NEBL: variants seen among roughly 807,000 people sequenced by gnomAD.
NEBL encodes the protein nebulette, also known as LIM and SH3 protein 2.
NEBL carries 122 observed loss-of-function variants against 140.2 expected under a neutral mutation model. That is an observed-to-expected ratio of 0.87 (90% CI 0.75 to 1.01). NEBL has a LOEUF of 1.01. Among genes scored for constraint, NEBL ranks in the 50% least tolerant of loss-of-function variants. The pLI is 0.00. For missense variants in NEBL, 1,365 were observed against 1,231.3 expected (o/e 1.11, Z -1.62); for synonymous variants, 436 against 398.9 (o/e 1.09, Z -1.11).
rs756192561 is a variant in NEBL, at chr10:20,808,603, C to T, written c.2668G>A (p.Gly890Ser). The change falls in exon 26 of 28, where the codon GGT (glycine) becomes AGT (serine). Residue 890 changes from glycine (G) to serine (S), a missense_variant. This residue lies in a region of NEBL where 1,323 missense variants were observed against 1,154.8 expected (regional missense o/e 1.15). Coordinates refer to ENST00000377122, the MANE Select transcript of NEBL (RefSeq NM_006393.3). ...WSRSHSSSTF[G>S]TGLGDDRSEI... ...GACCTGTCGTCTCCGAGACCTGTACCGAAAGTACTGCTGGAATGGGATCGA... is the reference window on the plus strand; with the variant it reads ...GACCTGTCGTCTCCGAGACCTGTACTGAAAGTACTGCTGGAATGGGATCGA... The T allele has an allele frequency of 1.3e-5, 21 of 1,613,212 alleles. No individual in the cohort carries two copies. The highest frequency in any genetic ancestry group is 8.0e-5 in the African/African-American group (6 of 74,832).
At chr10:20,839,825 T>G (rs1841243348) in intron 13 of NEBL, among the ~76,000 whole-genome samples, 1 of 152,102 alleles carries the variant, frequency 6.6e-6, no homozygotes, top group Non-Finnish European at 1.5e-5. Flanking sequence ...TAAAAAGGGA[T>G]GTTCACTTCC....
chr10:21,111,823 T>A, intron 2 of NEBL, among the ~76,000 whole-genome samples: 1 of 150,628 alleles, frequency 6.6e-6, no homozygotes, highest in African/African-American at 2.5e-5. Context: ...TGGGAGAAAA[T>A]CTTTGCAATC....
chr10:21,011,841 C>T (rs1314018273), intron 3 of NEBL, among the ~76,000 whole-genome samples: 2 of 152,204 alleles, frequency 1.3e-5, no homozygotes, highest in Non-Finnish European at 2.9e-5. Flanking sequence ...CCACACTGTT[C>T]CTGCAATGGC....
intron 2 of NEBL, among the ~76,000 whole-genome samples, chr10:21,171,011 A>C (rs557188158): frequency 4.6e-5 from 7 of 152,284 alleles, no homozygotes; most frequent in African/African-American, 1.7e-4. Context: ...CCTCCAGACT[A>C]TGCCAACCAC....
chr10:21,227,686 C>G, intron 3 of NEBL, among the ~76,000 whole-genome samples: 1 of 87,738 alleles, frequency 1.1e-5, no homozygotes. Flanking sequence ...TCTTCTTCTT[C>G]TTCTTCTTCT....
intron 3 of NEBL, among the ~76,000 whole-genome samples, chr10:21,242,878 A>G (rs975530924): frequency 6.6e-6 from 1 of 152,188 alleles, no homozygotes; most frequent in Admixed American, 6.5e-5. Context: ...AATGTCAACA[A>G]GCAATGTTTG....
chr10:21,133,300 T>A (rs1160790465), intron 2 of NEBL, among the ~76,000 whole-genome samples: 1 of 152,186 alleles, frequency 6.6e-6, no homozygotes, highest in Non-Finnish European at 1.5e-5. Context: ...CCTAATGAAA[T>A]TACTAGTTAA....
chr10:20,813,193 A>G (rs1838349295), intron 23 of NEBL, among the ~76,000 whole-genome samples: 1 of 150,774 alleles, frequency 6.6e-6, no homozygotes, highest in Admixed American at 6.6e-5. Flanking sequence ...AACTATATAT[A>G]TATTATTAAT....
intron 2 of NEBL, among the ~76,000 whole-genome samples, chr10:21,054,332 G>A (rs1289919773): frequency 3.3e-5 from 5 of 152,138 alleles, no homozygotes; most frequent in Admixed American, 6.5e-5. Flanking sequence ...GGCCAAATCT[G>A]TTTAATGGTT....
chr10:21,015,244 T>G (rs1185286528), intron 3 of NEBL, among the ~76,000 whole-genome samples: 6 of 151,484 alleles, frequency 4.0e-5, no homozygotes, highest in East Asian at 2.0e-4. Flanking sequence ...GTCGGGGGGG[T>G]TTGGAGATGC....
intron 16 of NEBL, among the ~76,000 whole-genome samples, chr10:20,829,116 G>T (rs540762313): frequency 6.6e-6 from 1 of 152,114 alleles, no homozygotes; most frequent in South Asian, 2.1e-4. Flanking sequence ...TACAGATGGA[G>T]AAACTGAAGT....
chr10:20,803,251 A>C (rs1837289570), intron 26 of NEBL, among the ~76,000 whole-genome samples: 1 of 152,216 alleles, frequency 6.6e-6, no homozygotes, highest in African/African-American at 2.4e-5. Flanking sequence ...AATAGCTAGA[A>C]GGATGTTTAA....
intron 13 of NEBL, among the ~76,000 whole-genome samples, chr10:20,839,893 T>C (rs940898099): frequency 2.0e-4 from 31 of 152,264 alleles, no homozygotes; most frequent in Admixed American, 9.1e-4. Flanking sequence ...GTTCATTGCA[T>C]GGAGACAGCC....
At chr10:20,901,585 A>G (rs1588981356), upstream of NEBL, among the ~76,000 whole-genome samples, 1 of 147,006 alleles carries the variant, frequency 6.8e-6, no homozygotes, top group South Asian at 2.1e-4. Flanking sequence ...AGTGGGGGGA[A>G]AAAAGTACAG....
At chr10:20,965,123 G>C (rs144485769) in intron 3 of NEBL, among the ~76,000 whole-genome samples, 26 of 152,310 alleles carry the variant, frequency 1.7e-4, no homozygotes, top group African/African-American at 5.8e-4. Context: ...TGCTCATTCA[G>C]CAAATCTTTA....
At chr10:20,903,005 T>A (rs1827409198) in intron 4 of NEBL, among the ~76,000 whole-genome samples, 2 of 152,206 alleles carry the variant, frequency 1.3e-5, no homozygotes, top group South Asian at 4.1e-4. Context: ...CCATAAACTG[T>A]TGAAAACTGA....
At position 21,173,726 on chromosome 10, in the gene NEBL, C is replaced by A; in HGVS notation, c.69+39G>T. On this transcript the variant is annotated intron_variant, in intron 1 of 6. Transcript: ENST00000417816. This position sits in a 1 kb window ranked among gnomAD's most constrained non-coding sequence, Gnocchi z 5.7. Reference sequence around the variant, plus strand: ...TTCTCGAAGCAGGTGCAGCCCCTCGCCCGGCAGGTCCAGGCTGGCCCGGCG... The same window carrying A: ...TTCTCGAAGCAGGTGCAGCCCCTCGACCGGCAGGTCCAGGCTGGCCCGGCG... The A allele has an allele frequency of 6.2e-7, 1 of 1,611,514 alleles. No homozygotes were observed. The highest frequency in any genetic ancestry group is 2.2e-5 in the East Asian group (1 of 44,760).
intron 3 of NEBL, among the ~76,000 whole-genome samples, chr10:21,214,516 A>G (rs1253809973): frequency 2.0e-5 from 3 of 151,600 alleles, no homozygotes; most frequent in East Asian, 1.9e-4. Context: ...ACACATGCAC[A>G]CATGCACATT....
intron 1 of NEBL, among the ~76,000 whole-genome samples, chr10:21,271,526 C>CTT (rs541717448): frequency 9.2e-5 from 13 of 141,038 alleles, no homozygotes; most frequent in East Asian, 2.0e-4. Flanking sequence ...GTAAACAGAT[C>CTT]TTTTTTTTTT....
Sources: allele counts gnomAD v4.1 joint callset (sites outside exome capture counted in the v4.1 genomes callset), GRCh38; gene constraint gnomAD v4.1.1; regional missense constraint gnomAD v4.1.1; non-coding constraint Gnocchi (gnomAD v3.1); transcripts MANE v1.5; gene names NCBI Gene and HGNC (gene_info 2026-07-23, HGNC 2026-07-21).